Variants in CDH18 observed in about 807,000 individuals in gnomAD.
CDH18 encodes the protein cadherin-18.
A neutral mutation model predicts 67.9 loss-of-function variants in CDH18; 31 were observed. The observed-to-expected ratio is 0.46, with a 90% confidence interval of 0.34 to 0.62. The LOEUF (loss-of-function observed/expected upper bound fraction) is 0.62. CDH18 is among the 20% of genes least tolerant of loss of function. CDH18 has a pLI of 0.01. For synonymous variants in CDH18, 362 were observed against 347.2 expected, an observed-to-expected ratio of 1.04 and a Z score of -0.48; for missense variants, 890 against 975.5, an observed-to-expected ratio of 0.91 and a Z score of 1.17.
intron 1 of CDH18, among the ~76,000 whole-genome samples, chr5:20,407,540 G>GA (rs1394556610): frequency 6.8e-6 from 1 of 147,092 alleles, no homozygotes; most frequent in Non-Finnish European, 1.5e-5. Context: ...GAATCTCAGG[G>GA]AAAAAATGAA....
chr5:20,457,095 A>C (rs987933150), intron 1 of CDH18, among the ~76,000 whole-genome samples: 15 of 152,204 alleles, frequency 9.9e-5, no homozygotes, highest in Admixed American at 9.8e-4. Flanking sequence ...AGCAGATTTC[A>C]GACTTGGAAA....
intron 2 of CDH18, among the ~76,000 whole-genome samples, chr5:20,155,112 C>G (rs1751423207): frequency 6.6e-6 from 1 of 152,030 alleles, no homozygotes; most frequent in South Asian, 2.1e-4. Context: ...AATTTGAATG[C>G]TATTTAAGGT....
chr5:20,192,143 C>A (rs1333178947), intron 2 of CDH18, among the ~76,000 whole-genome samples: 2 of 150,526 alleles, frequency 1.3e-5, no homozygotes, highest in African/African-American at 2.4e-5. Context: ...GTTTCTTGGT[C>A]GCATAAATGT....
chr5:20,049,123 T>C (rs1741174537), intron 2 of CDH18, among the ~76,000 whole-genome samples: 1 of 151,690 alleles, frequency 6.6e-6, no homozygotes, highest in South Asian at 2.1e-4. Flanking sequence ...TGGTAGAGTA[T>C]AAGAGGCTAA....
chr5:20,303,870 G>A (rs1444221824), intron 1 of CDH18, among the ~76,000 whole-genome samples: 1 of 152,164 alleles, frequency 6.6e-6, no homozygotes, highest in Non-Finnish European at 1.5e-5. Flanking sequence ...AAGGGAGAGT[G>A]CGGTTTCTTG....
At chr5:20,493,415 G>A (rs370612106) in intron 1 of CDH18, among the ~76,000 whole-genome samples, 1 of 97,538 alleles carries the variant, frequency 1.0e-5, no homozygotes, top group Non-Finnish European at 2.1e-5. Flanking sequence ...ATTTTTTATT[G>A]TTTCTGTTGT....
rs115112261 is a variant in CDH18, at chr5:19,636,624, A to G, written c.644-24023T>C. 6.3e-3 allele frequency among the ~76,000 whole-genome samples: 957 copies of G among 151,944 alleles called. 4 individuals are homozygous for G. Among genetic ancestry groups the G allele is most frequent in the Admixed American group, 0.016 (237 of 15,260 alleles). On this transcript the variant is annotated intron_variant, in intron 5 of 12. Transcript: ENST00000382275. ...TATTATCAATATAAATTAAATCCAA[A>G]GTATTTTCATTTATAAAGATAAAAA...
At chr5:19,745,275 T>C in intron 4 of CDH18, among the ~76,000 whole-genome samples, 1 of 152,192 alleles carries the variant, frequency 6.6e-6, no homozygotes, top group East Asian at 1.9e-4. Flanking sequence ...GCAAAAGGCT[T>C]TGAGTTACAG....
chr5:19,807,654 T>G (rs1486200489), intron 3 of CDH18, among the ~76,000 whole-genome samples: 2 of 152,178 alleles, frequency 1.3e-5, no homozygotes, highest in Non-Finnish European at 2.9e-5. Flanking sequence ...TTACACATGT[T>G]AATTCTCCAC....
chr5:19,622,950 T>A (rs1035307259), intron 5 of CDH18, among the ~76,000 whole-genome samples: 1 of 152,170 alleles, frequency 6.6e-6, no homozygotes, highest in African/African-American at 2.4e-5. Flanking sequence ...GTAGTTTGAT[T>A]TACCCCAAAG....
chr5:19,612,738 A>C (rs767210251), intron 5 of CDH18, 137 bp from the exon 6 acceptor site: 5 of 654,946 alleles, frequency 7.6e-6, no homozygotes, highest in African/African-American at 3.6e-5. Flanking sequence ...GAGAAAAACA[A>C]TATCTTACCA....
chr5:19,695,882 A>T (rs1762473131), intron 5 of CDH18, among the ~76,000 whole-genome samples: 1 of 152,200 alleles, frequency 6.6e-6, no homozygotes, highest in East Asian at 1.9e-4. Context: ...CACACCTAAA[A>T]ATCAAAATAA....
intron 12 of CDH18, among the ~76,000 whole-genome samples, chr5:19,477,349 G>A (rs1038688639): frequency 6.6e-6 from 1 of 151,104 alleles, no homozygotes; most frequent in African/African-American, 2.4e-5. Flanking sequence ...GATATTTCTG[G>A]AGCAGATGGC....
rs184056938 is a variant in CDH18 at position 19,744,282 on chromosome 5, G to T, written c.523+2660C>A. 7.9e-3 allele frequency among the ~76,000 whole-genome samples: 1,206 copies of T among 151,934 alleles called. 14 individuals carry two copies. The highest frequency in any genetic ancestry group is 0.027 in the African/African-American group (1,136 of 41,432). On this transcript the variant is annotated intron_variant, in intron 4 of 12. Coordinates refer to ENST00000382275, the MANE Select transcript of CDH18 (RefSeq NM_004934.5). ...TACTACTTTCAGATATTAAATTTTT[G>T]TCCCTCAACCATACTCATCTCAGTA...
chr5:19,612,394 A>G (rs755413851), intron 6 of CDH18, 40 bp downstream of exon 6: 1 of 1,585,222 alleles, frequency 6.3e-7, no homozygotes, highest in East Asian at 2.2e-5. Context: ...TTACATAAAG[A>G]GATAATGATA....
chr5:20,507,926 A>G (rs1581126547), intron 1 of CDH18, among the ~76,000 whole-genome samples: 1 of 152,060 alleles, frequency 6.6e-6, no homozygotes, highest in Non-Finnish European at 1.5e-5. Flanking sequence ...CTTTTCTATT[A>G]CTCACATTTG....
intron 2 of CDH18, among the ~76,000 whole-genome samples, chr5:19,876,030 TG>T (rs199547237): frequency 0.015 from 2,217 of 152,260 alleles, 30 homozygotes; most frequent in Middle Eastern, 0.024. Context: ...CAAAATTGTC[TG>T]CTCCTGGCCA....
intron 1 of CDH18, among the ~76,000 whole-genome samples, chr5:19,985,194 A>G (rs554287553): frequency 6.6e-6 from 1 of 152,210 alleles, no homozygotes; most frequent in South Asian, 2.1e-4. Context: ...GATCTTCCAC[A>G]GTACTGTGTT....
chr5:20,099,452 C>T (rs184650536), intron 2 of CDH18, among the ~76,000 whole-genome samples: 126 of 152,190 alleles, frequency 8.3e-4, no homozygotes, highest in Admixed American at 1.5e-3. Flanking sequence ...TCCTATTAAC[C>T]CTTGATAAGG....
Sources: gnomAD v4.1 joint callset for allele counts (sites outside exome capture counted in the v4.1 genomes callset) on GRCh38, gnomAD v4.1.1 for gene constraint, MANE v1.5 for transcripts, NCBI Gene and HGNC (gene_info 2026-07-23, HGNC 2026-07-21) for gene names.